The following CNBD1 variants were observed in gnomAD, a reference collection of about 807,000 sequenced individuals.
CNBD1 encodes cyclic nucleotide-binding domain-containing protein 1.
In CNBD1, 71 loss-of-function variants were observed where a neutral mutation model predicts 54.4. That is an observed-to-expected ratio of 1.30 (90% CI 1.08 to 1.59). CNBD1 has a LOEUF of 1.59. CNBD1 is among the 40% of genes most tolerant of loss of function. The pLI is 0.00. For missense variants in CNBD1, 659 were observed against 518.0 expected, an observed-to-expected ratio of 1.27 and a Z score of -2.64; for synonymous variants, 182 against 170.7, an observed-to-expected ratio of 1.07 and a Z score of -0.51.
chr8:86,872,371 A>C (rs1483214185), intron 1 of CNBD1, among the ~76,000 whole-genome samples: 1 of 152,092 alleles, frequency 6.6e-6, no homozygotes, highest in Non-Finnish European at 1.5e-5. Context: ...TACTATTTTA[A>C]TGTATTTGTA....
chr8:87,381,649 G>A (rs935998747), intron 10 of CNBD1, among the ~76,000 whole-genome samples: 3 of 152,042 alleles, frequency 2.0e-5, no homozygotes, highest in East Asian at 3.9e-4. Flanking sequence ...TTAAAAATAT[G>A]TACATAAAAT....
At chr8:87,426,667 G>A (rs531143103) in intron 2 of CNBD1, among the ~76,000 whole-genome samples, 8 of 152,130 alleles carry the variant, frequency 5.3e-5, no homozygotes, top group East Asian at 3.9e-4. Flanking sequence ...ATTGTGGCGC[G>A]GCTACCTATC....
At chr8:87,096,044 G>A (rs1198787771) in intron 4 of CNBD1, among the ~76,000 whole-genome samples, 1 of 152,122 alleles carries the variant, frequency 6.6e-6, no homozygotes. Flanking sequence ...TTAGGTAATT[G>A]GGCATTCTCT....
intron 1 of CNBD1, among the ~76,000 whole-genome samples, chr8:86,880,223 T>C (rs1464946256): frequency 1.2e-5 from 1 of 80,822 alleles, no homozygotes; most frequent in Non-Finnish European, 2.4e-5. Context: ...ACTTGGTGAC[T>C]TCTGATTAAC....
At chr8:86,875,081 A>G (rs1004814462) in intron 1 of CNBD1, among the ~76,000 whole-genome samples, 5 of 149,408 alleles carry the variant, frequency 3.3e-5, no homozygotes, top group African/African-American at 1.2e-4. Flanking sequence ...CCACAGGCTC[A>G]TTCTTATCTT....
intron 2 of CNBD1, among the ~76,000 whole-genome samples, chr8:87,410,148 C>T (rs539737438): frequency 9.2e-5 from 14 of 152,092 alleles, no homozygotes; most frequent in Non-Finnish European, 1.6e-4. Context: ...GAATTGAGAC[C>T]TACTGCTCAG....
chr8:87,053,200 G>A (rs1810346999), intron 4 of CNBD1, among the ~76,000 whole-genome samples: 1 of 152,200 alleles, frequency 6.6e-6, no homozygotes, highest in Non-Finnish European at 1.5e-5. Context: ...GCAGGACAAA[G>A]AAAGCCAGTA....
chr8:87,288,824 G>A (rs1808738593), intron 8 of CNBD1, among the ~76,000 whole-genome samples: 1 of 151,982 alleles, frequency 6.6e-6, no homozygotes. Context: ...CATAGTTTTA[G>A]AAAATATTTA....
chr8:87,227,443 C>CAA (rs1936163443), intron 5 of CNBD1, among the ~76,000 whole-genome samples: 1 of 149,330 alleles, frequency 6.7e-6, no homozygotes, highest in Admixed American at 6.7e-5. Flanking sequence ...CTGGTGGTGA[C>CAA]AAAATCTTTC....
chr8:86,990,542 T>G (rs918835824), intron 4 of CNBD1, among the ~76,000 whole-genome samples: 2 of 152,196 alleles, frequency 1.3e-5, no homozygotes, highest in African/African-American at 4.8e-5. Flanking sequence ...TCTGTTTCAT[T>G]GGTCTATGTG....
At chr8:87,337,660 G>T (rs905836039) in intron 8 of CNBD1, among the ~76,000 whole-genome samples, 1 of 152,222 alleles carries the variant, frequency 6.6e-6, no homozygotes, top group African/African-American at 2.4e-5. Flanking sequence ...AAAAACCACA[G>T]TTTTCCAGGC....
intron 10 of CNBD1, among the ~76,000 whole-genome samples, chr8:87,375,528 C>T (rs4602902): frequency 6.6e-6 from 1 of 151,796 alleles, no homozygotes; most frequent in Admixed American, 6.6e-5. Context: ...GAAGCCATAG[C>T]ATTCCTTATA....
chr8:87,377,416 T>C (rs1810971904), intron 10 of CNBD1, among the ~76,000 whole-genome samples: 1 of 151,642 alleles, frequency 6.6e-6, no homozygotes, highest in African/African-American at 2.4e-5. Context: ...GGTTTTTTGT[T>C]CTTGCGATAG....
At chr8:87,279,201 CTG>C (rs1808541009) in intron 6 of CNBD1, among the ~76,000 whole-genome samples, 2 of 151,238 alleles carry the variant, frequency 1.3e-5, no homozygotes, top group Admixed American at 6.6e-5. Context: ...ATGAGGGACA[CTG>C]TAATTTAGGG....
chr8:87,355,557 T>C, intron 10 of CNBD1, among the ~76,000 whole-genome samples: 1 of 152,054 alleles, frequency 6.6e-6, no homozygotes, highest in Non-Finnish European at 1.5e-5. Flanking sequence ...CAATTGAGTA[T>C]GAAGGAGAAA....
chr8:86,899,365 G>T (rs559865880), intron 2 of CNBD1, among the ~76,000 whole-genome samples: 8 of 152,006 alleles, frequency 5.3e-5, no homozygotes, highest in African/African-American at 1.9e-4. Flanking sequence ...TGAAATGATG[G>T]ATATGTTAAT....
At chr8:87,128,318 A>G (rs940746342) in intron 4 of CNBD1, among the ~76,000 whole-genome samples, 1 of 152,184 alleles carries the variant, frequency 6.6e-6, no homozygotes, top group Non-Finnish European at 1.5e-5. Flanking sequence ...TGGGAGTTGC[A>G]GACACTCAAC....
At chr8:87,087,355 A>G (rs1375405610) in intron 4 of CNBD1, among the ~76,000 whole-genome samples, 1 of 149,680 alleles carries the variant, frequency 6.7e-6, no homozygotes, top group Non-Finnish European at 1.5e-5. Flanking sequence ...GAGGGGATGA[A>G]GAGAAATCAC....
intron 5 of CNBD1, among the ~76,000 whole-genome samples, chr8:87,212,046 T>A (rs1814110282): frequency 1.3e-5 from 2 of 152,164 alleles, no homozygotes; most frequent in Admixed American, 6.5e-5. Flanking sequence ...AAGGAGAATT[T>A]AGAGCACAAG....
Sources: allele counts gnomAD v4.1 joint callset (sites outside exome capture counted in the v4.1 genomes callset), GRCh38; gene constraint gnomAD v4.1.1; transcripts MANE v1.5; gene names NCBI Gene and HGNC (gene_info 2026-07-23, HGNC 2026-07-21).